Variants in OGFR observed in about 807,000 individuals in gnomAD.
OGFR encodes the protein opioid growth factor receptor.
Under a neutral mutation model 33.6 loss-of-function variants are expected in OGFR, and 18 were observed. The observed-to-expected ratio is 0.54, with a 90% CI of 0.37 to 0.80. The LOEUF (loss-of-function observed/expected upper bound fraction) is 0.80. OGFR is among the 30% of genes least tolerant of loss of function. The pLI, the probability that OGFR is intolerant of heterozygous loss-of-function variation, is 0.00. For missense variants in OGFR, 877 were observed against 955.8 expected (o/e 0.92, Z 1.09); for synonymous variants, 370 against 400.7 (o/e 0.92, Z 0.91).
intron 1 of OGFR, 83 bp from the exon 2 acceptor site, chr20:62,807,454 C>T (rs1600772427): frequency 1.1e-5 from 13 of 1,227,030 alleles, no homozygotes; most frequent in South Asian, 2.5e-5. Flanking sequence ...TGGCAGCTGG[C>T]CCAGGCCCTG....
chr20:62,811,175 A>G (rs1259554936), intron 5 of OGFR, among the ~76,000 whole-genome samples: 1 of 152,164 alleles, frequency 6.6e-6, no homozygotes, highest in Non-Finnish European at 1.5e-5. Flanking sequence ...CAGCCTGGCC[A>G]ACGTGACAAA....
chr20:62,804,845 C>T lies in OGFR; in HGVS notation c.-15C>T. On this transcript the variant is annotated 5_prime_UTR_variant, in exon 1 of 7. Transcript: ENST00000290291. ...TTCGCTTCCGCCTCCAGCGCGAGCC[C>T]CGCCGCCGCCGAGCATGGACGACCC... 1 of 1,446,472 alleles carries T rather than the reference C, an allele frequency of 6.9e-7. No individual in the cohort carries two copies. Among genetic ancestry groups the T allele is most frequent in the South Asian group, 1.4e-5 (1 of 72,816 alleles). 89.6% of individuals were successfully genotyped at this position (1,446,472 alleles called of 1,614,324 possible).
In OGFR at chr20:62,813,943, G is replaced by C. The variant is rs1438606785; in HGVS notation, c.*294G>C. The C allele has an allele frequency of 5.6e-6, 3 of 532,646 alleles. No homozygotes were observed. The highest frequency in any genetic ancestry group is 1.0e-5 in the Non-Finnish European group (3 of 299,716). 33.0% of individuals were successfully genotyped at this position (532,646 alleles called of 1,614,324 possible). ...GGAGTGGGGGGCGGCGGGCAGGGCT[G>C]CTTTTCTTAGTCTGATACCAAGCAA... On this transcript the variant is annotated 3_prime_UTR_variant, in exon 7 of 7. Coordinates refer to ENST00000290291, the MANE Select transcript of OGFR (RefSeq NM_007346.4).
In OGFR at chr20:62,811,626, T is replaced by TTGCCC; in HGVS notation, c.614+16_614+17insTGCCC. On this transcript the variant is annotated intron_variant, in intron 6 of 6. Coordinates refer to ENST00000290291, the MANE Select transcript of OGFR (RefSeq NM_007346.4). Reference sequence around the variant, plus strand: ...ACCTGAACTGGTGAGGCCCGGCTGCTCCCGCCCACCCCCACCCCGGCGCAG... The same window carrying TTGCCC: ...ACCTGAACTGGTGAGGCCCGGCTGCTTGCCCCCCGCCCACCCCCACCCCGGCGCAG... The TTGCCC allele has an allele frequency of 4.0e-6, 6 of 1,502,462 alleles. No individual in the cohort carries two copies. Among genetic ancestry groups the TTGCCC allele is most frequent in the Non-Finnish European group, 5.4e-6 (6 of 1,110,054 alleles). 93.1% of individuals were successfully genotyped at this position (1,502,462 alleles called of 1,614,324 possible).
rs1328079474 is a variant in OGFR, at chr20:62,809,577, G to T, written c.320-8G>T. On this transcript the variant is annotated splice_region_variant and splice_polypyrimidine_tract_variant and intron_variant, in intron 3 of 6. Coordinates refer to ENST00000290291, the MANE Select transcript of OGFR (RefSeq NM_007346.4). ...GCCACAGCTGACTTGTCCCCATGGG[G>T]CTCCCAGGCTGTTTCATTGAGGACA... 5 of 1,611,148 alleles carry T rather than the reference G, an allele frequency of 3.1e-6. No individual in the cohort carries two copies. The highest frequency in any genetic ancestry group is 2.2e-5 in the East Asian group (1 of 44,858).
In OGFR at chr20:62,813,722, G is replaced by C. The variant is rs76421668; in HGVS notation, c.*73G>C. The C allele has an allele frequency of 8.4e-6, 13 of 1,547,654 alleles. No individual in the cohort carries two copies. The highest frequency in any genetic ancestry group is 1.1e-5 in the Non-Finnish European group (12 of 1,124,198). On this transcript the variant is annotated 3_prime_UTR_variant, in exon 7 of 7. Coordinates refer to ENST00000290291, the MANE Select transcript of OGFR (RefSeq NM_007346.4). ...GGGCTGGGGCCTCCGGAGCTGCTGCGGGCTCCCCTCAGGCTCTGCTTCGTG... is the reference window on the plus strand; with the variant it reads ...GGGCTGGGGCCTCCGGAGCTGCTGCCGGCTCCCCTCAGGCTCTGCTTCGTG...
intron 2 of OGFR, 85 bp downstream of exon 2, chr20:62,807,690 G>C (rs1021626642): frequency 1.4e-6 from 2 of 1,409,778 alleles, no homozygotes; most frequent in African/African-American, 1.4e-5. Flanking sequence ...CTACTGGAAG[G>C]CTGGCCTGGC....
At chr20:62,806,770 C>T (rs1344369361) in intron 1 of OGFR, 1 of 152,356 alleles carries the variant, frequency 6.6e-6, no homozygotes, top group Non-Finnish European at 1.5e-5. Context: ...CAGCCCCAGG[C>T]CCCCCACCCT....
intron 5 of OGFR, among the ~76,000 whole-genome samples, chr20:62,810,983 G>A (rs1044559499): frequency 9.8e-5 from 15 of 152,370 alleles, no homozygotes; most frequent in African/African-American, 3.6e-4. Context: ...AGGGGAGGGC[G>A]GCAGCCTCAG....
At chr20:62,810,345 C>G (rs1478897686) in intron 4 of OGFR, among the ~76,000 whole-genome samples, 154 bp from the exon 5 acceptor site, 2 of 152,182 alleles carry the variant, frequency 1.3e-5, no homozygotes, top group Admixed American at 1.3e-4. Flanking sequence ...CCTGAGCTCT[C>G]CCACCCTCGC....
chr20:62,813,469 A>G lies in OGFR; in HGVS notation c.1854A>G (p.Pro618=). The change falls in exon 7 of 7, where the codon CCA becomes CCG. Residue 618 remains proline, a synonymous_variant. Coordinates refer to ENST00000290291, the MANE Select transcript of OGFR (RefSeq NM_007346.4). ...CAGGGGACGAGCCAGCCGAGAGCCC[A>G]TCGGAGACCCCAGGCCCCCGCCCGG... is the stretch of plus-strand genomic sequence containing the variant. ...GPAGDEPAES[P]SETPGPRPAG... The G allele has an allele frequency of 1.4e-6, 2 of 1,433,056 alleles. No homozygotes were observed. The highest frequency in any genetic ancestry group is 1.3e-5 in the South Asian group (1 of 77,072). 88.8% of individuals were successfully genotyped at this position (1,433,056 alleles called of 1,614,324 possible).
At chr20:62,805,589 GCC>G (rs11478750) in intron 1 of OGFR, 1 of 152,194 alleles carries the variant, frequency 6.6e-6, no homozygotes, top group Non-Finnish European at 1.5e-5. Context: ...TCGCAGTCCG[GCC>G]CCCCTGTCGG....
In OGFR at chr20:62,812,827, C is replaced by T. The variant is rs1600778036; in HGVS notation, c.1212C>T (p.Ala404=). 2 of 1,612,766 alleles carry T rather than the reference C, an allele frequency of 1.2e-6. No individual in the cohort carries two copies. The highest frequency in any genetic ancestry group is 1.3e-5 in the African/African-American group (1 of 75,064). The stretch of plus-strand genomic sequence containing the variant: ...CCACAGAGCCAGGCCCTCAGAGTGC[C>T]TCAGAGGTGGAGAAGATCGCTCTGA... ...QPPTEPGPQS[A]SEVEKIALNL... is the part of the protein sequence containing the mutation. The change falls in exon 7 of 7, where the codon GCC becomes GCT. Residue 404 remains alanine (A), a synonymous_variant. Coordinates refer to ENST00000290291, the MANE Select transcript of OGFR (RefSeq NM_007346.4).
intron 4 of OGFR, 69 bp from the exon 5 acceptor site, chr20:62,810,430 A>T: frequency 6.7e-7 from 1 of 1,500,490 alleles, no homozygotes; most frequent in Admixed American, 1.7e-5. Context: ...CGGGCTACAC[A>T]GCGAGCACCT....
At position 62,807,572 on chromosome 20, in the gene OGFR, G is replaced by A. The variant is rs145092041; in HGVS notation, c.207G>A (p.Thr69=). ...RMTGSRNWRA[T]RDMCRYRHNY... is the part of the protein sequence containing the mutation. Reference sequence around the variant, plus strand: ...CAGGGTCCAGAAACTGGCGAGCCACGAGGGACATGTGTAGGTATCGGCACA... The same window carrying A: ...CAGGGTCCAGAAACTGGCGAGCCACAAGGGACATGTGTAGGTATCGGCACA... Residue 69 remains threonine, a synonymous_variant, in exon 2 of 7, where the codon ACG becomes ACA. Coordinates refer to ENST00000290291, the MANE Select transcript of OGFR (RefSeq NM_007346.4). 1.2e-4 allele frequency: 194 copies of A among 1,613,116 alleles called. 1 individual carries two copies. The Middle Eastern group carries it at 1.6e-3, about 14-fold the overall frequency.
intron 1 of OGFR, chr20:62,806,139 A>T (rs1433907363): frequency 2.0e-5 from 3 of 152,290 alleles, no homozygotes; most frequent in Non-Finnish European, 2.9e-5. Flanking sequence ...TCCAGTCAGG[A>T]CCCAGCCTCC....
Position 62,809,551 on chromosome 20 carries a change from T to C in OGFR, c.320-34T>C, listed in dbSNP as rs1158795122. On this transcript the variant is annotated intron_variant, in intron 3 of 6. Transcript: ENST00000290291. ...TCCTCCTGAGCACGGGCAGGGTGGC[T>C]GCCACAGCTGACTTGTCCCCATGGG... is the stretch of plus-strand genomic sequence containing the variant. 1.9e-6 allele frequency: 3 copies of C among 1,576,912 alleles called. No homozygotes were observed. In the East Asian group the frequency reaches 6.7e-5, roughly 35 times the overall value.
chr20:62,804,849 C>G lies in OGFR; in HGVS notation c.-11C>G. 2 of 1,455,206 alleles carry G rather than the reference C, an allele frequency of 1.4e-6. No individual in the cohort carries two copies. Among genetic ancestry groups the G allele is most frequent in the Non-Finnish European group, 1.8e-6 (2 of 1,105,434 alleles). The allele number at this position is 1,455,206 out of a possible 1,614,324, so 90.1% of individuals were successfully genotyped here. ...CTTCCGCCTCCAGCGCGAGCCCCGCCGCCGCCGAGCATGGACGACCCCGAC... is the reference window on the plus strand; with the variant it reads ...CTTCCGCCTCCAGCGCGAGCCCCGCGGCCGCCGAGCATGGACGACCCCGAC... On this transcript the variant is annotated 5_prime_UTR_variant, in exon 1 of 7. Transcript: ENST00000290291.
Position 62,809,703 on chromosome 20 carries a change from CCA to C in OGFR, c.398+43_398+44del, listed in dbSNP as rs766018577. The C allele has an allele frequency of 5.8e-6, 8 of 1,374,064 alleles. No homozygotes were observed. In the East Asian group the frequency reaches 1.6e-4, roughly 28 times the overall value. 85.1% of individuals were successfully genotyped at this position (1,374,064 alleles called of 1,614,324 possible). ...ATGGGGGGATGGGGGGTTGGCGAGG[CCA>C]CAGGGGGAGGGCCCTCCCAGGCAGG... On this transcript the variant is annotated intron_variant, in intron 4 of 6. Transcript: ENST00000290291.
Sources: allele counts gnomAD v4.1 joint callset (sites outside exome capture counted in the v4.1 genomes callset), GRCh38; gene constraint gnomAD v4.1.1; transcripts MANE v1.5; gene names NCBI Gene and HGNC (gene_info 2026-07-23, HGNC 2026-07-21).